The following TRIM4 variants were observed in gnomAD, a reference collection of about 807,000 sequenced individuals.
TRIM4 encodes the protein tripartite motif containing 4, also known as E3 ubiquitin-protein ligase TRIM4.
Under a neutral mutation model 33.7 loss-of-function variants are expected in TRIM4, and 29 were observed. The observed-to-expected ratio is 0.86, with a 90% CI of 0.64 to 1.17. TRIM4 has a LOEUF of 1.17. Among genes scored for constraint, TRIM4 ranks in the 50% most tolerant of loss-of-function variants. The pLI is 0.00. For synonymous variants in TRIM4, 224 were observed against 233.0 expected, an observed-to-expected ratio of 0.96 and a Z score of 0.35; for missense variants, 554 against 593.7, an observed-to-expected ratio of 0.93 and a Z score of 0.69.
chr7:99,896,777 CAGGTG>C (rs1206745343), intron 5 of TRIM4, among the ~76,000 whole-genome samples: 2 of 152,220 alleles, frequency 1.3e-5, no homozygotes, highest in African/African-American at 4.8e-5. Flanking sequence ...TGGGGCCCAC[CAGGTG>C]AGTATGGGGA....
intron 5 of TRIM4, among the ~76,000 whole-genome samples, chr7:99,897,393 T>C (rs558331694): frequency 1.1e-4 from 17 of 152,322 alleles, no homozygotes; most frequent in African/African-American, 4.1e-4. Flanking sequence ...CCACCCTCCC[T>C]GGGATTTTAC....
chr7:99,915,741 C>G (rs1819542780), intron 1 of TRIM4, among the ~76,000 whole-genome samples: 1 of 152,202 alleles, frequency 6.6e-6, no homozygotes, highest in African/African-American at 2.4e-5. Flanking sequence ...GACCTGGCTC[C>G]TGAACACCTA....
At chr7:99,909,017 C>T (rs1054597344) in intron 2 of TRIM4, among the ~76,000 whole-genome samples, 2 of 152,148 alleles carry the variant, frequency 1.3e-5, no homozygotes, top group Non-Finnish European at 2.9e-5. Flanking sequence ...ATTCATTCTT[C>T]CTAACATTTC....
Position 99,901,908 on chromosome 7 carries a change from G to A in TRIM4, c.841+1310C>T. The stretch of plus-strand genomic sequence containing the variant: ...TCTCTCCGCTCCAGGATACTGCCCA[G>A]TACTTTGCGAACTCTCACTACTTTG... On this transcript the variant is annotated intron_variant, in intron 5 of 5. Transcript: ENST00000349062. The A allele has an allele frequency of 1.2e-5, 7 of 591,378 alleles. No individual in the cohort carries two copies. In the South Asian group the frequency reaches 1.5e-4, roughly 13 times the overall value. 36.6% of individuals were successfully genotyped at this position (591,378 alleles called of 1,614,324 possible).
chr7:99,895,361 G>A (rs540788463), intron 5 of TRIM4, among the ~76,000 whole-genome samples: 1 of 152,052 alleles, frequency 6.6e-6, no homozygotes, highest in African/African-American at 2.4e-5. Context: ...ATTTAGGGGG[G>A]TTTCTAAGGA....
chr7:99,909,775 C>G (rs1451211886), intron 1 of TRIM4, 115 bp from the exon 2 acceptor site: 2 of 843,096 alleles, frequency 2.4e-6, no homozygotes, highest in Admixed American at 2.7e-5. Context: ...CTTTGTCACC[C>G]AGGTTAGACT....
chr7:99,896,359 C>T (rs547103691), intron 5 of TRIM4, among the ~76,000 whole-genome samples: 78 of 152,268 alleles, frequency 5.1e-4, no homozygotes, highest in South Asian at 6.2e-4. Context: ...GAACCTCTGG[C>T]CCATTCTTGG....
In TRIM4 at chr7:99,894,672, CAA is replaced by C. The variant is rs779056387; in HGVS notation, c.842-1928_842-1927del. On this transcript the variant is annotated intron_variant, in intron 5 of 5. Coordinates refer to ENST00000349062, the MANE Select transcript of TRIM4 (RefSeq NM_033091.3). Reference sequence around the variant, plus strand: ...ACAGACCAAGACTCCATCCCCCCCCCAAAAAAAAAAAGAAAAGAAAAGAAAGA... The same window carrying C: ...ACAGACCAAGACTCCATCCCCCCCCCAAAAAAAAAGAAAAGAAAAGAAAGA... 3.7e-4 allele frequency among the ~76,000 whole-genome samples: 47 copies of C among 125,750 alleles called. 2 individuals are homozygous for C. The South Asian group carries it at 7.9e-3, about 21-fold the overall frequency. 82.5% of individuals were successfully genotyped at this position (125,750 alleles called of 152,430 possible). A position where few individuals can be genotyped will look rare whatever the true frequency, so the allele number is the denominator to read the frequency against.
At chr7:99,910,400 T>G (rs1300990377) in intron 1 of TRIM4, among the ~76,000 whole-genome samples, 1 of 152,222 alleles carries the variant, frequency 6.6e-6, no homozygotes, top group Non-Finnish European at 1.5e-5. Context: ...TTATTCATTA[T>G]CCACTAATTA....
intron 3 of TRIM4, 123 bp downstream of exon 3, chr7:99,908,459 C>G (rs1819358987): frequency 9.0e-6 from 7 of 779,996 alleles, no homozygotes; most frequent in Non-Finnish European, 1.5e-5. Flanking sequence ...TGTGACAGCA[C>G]AGAACTAGCA....
intron 5 of TRIM4, chr7:99,901,487 CTTTT>C (rs940967543): frequency 6.6e-6 from 1 of 152,010 alleles, no homozygotes; most frequent in Non-Finnish European, 1.5e-5. Context: ...GTTAGGTGCT[CTTTT>C]TTTGTTTATT....
rs1818898772 is a variant in TRIM4, at chr7:99,891,873, T to C, written c.*290A>G. The stretch of plus-strand genomic sequence containing the variant: ...ACCATTCCTGTGTTCTCAGTTCCAA[T>C]ATGGCTGCTAACATCCATATGTCTT... On this transcript the variant is annotated 3_prime_UTR_variant, in exon 6 of 6. Transcript: ENST00000349062. 13 of 307,858 alleles carry C rather than the reference T, an allele frequency of 4.2e-5. No homozygotes were observed. The East Asian group carries it at 6.6e-4, about 16-fold the overall frequency. The allele number at this position is 307,858 out of a possible 1,614,324, so 19.1% of individuals were successfully genotyped here.
intron 5 of TRIM4, among the ~76,000 whole-genome samples, chr7:99,893,105 A>G (rs1007143965): frequency 1.3e-5 from 2 of 152,056 alleles, no homozygotes; most frequent in Non-Finnish European, 2.9e-5. Flanking sequence ...CAAAAAACAA[A>G]CAAACAAAAA....
At chr7:99,916,320 T>G (rs183267718) in intron 1 of TRIM4, among the ~76,000 whole-genome samples, 1 of 152,282 alleles carries the variant, frequency 6.6e-6, no homozygotes, top group East Asian at 1.9e-4. Flanking sequence ...GTGGTCCTCC[T>G]AGGAGAATCT....
chr7:99,916,673 T>C (rs1243770561), intron 1 of TRIM4: 1 of 780,076 alleles, frequency 1.3e-6, no homozygotes, highest in Non-Finnish European at 2.4e-6. Context: ...CCATCATCCC[T>C]GCCCTGAACT....
At chr7:99,900,437 T>C (rs1200556036) in intron 5 of TRIM4, among the ~76,000 whole-genome samples, 1 of 152,244 alleles carries the variant, frequency 6.6e-6, no homozygotes, top group East Asian at 1.9e-4. Context: ...CTGGGCACTC[T>C]GTGGCCCAGT....
chr7:99,901,339 G>A (rs1371718768), intron 5 of TRIM4: 3 of 152,156 alleles, frequency 2.0e-5, no homozygotes, highest in African/African-American at 7.2e-5. Flanking sequence ...ATGTTTTAAA[G>A]TCCTTCCATG....
intron 5 of TRIM4, 63 bp downstream of exon 5, chr7:99,903,155 C>T: frequency 7.9e-7 from 1 of 1,258,140 alleles, no homozygotes; most frequent in Non-Finnish European, 1.1e-6. Flanking sequence ...CTCCAGACTT[C>T]TCTCTTTATT....
chr7:99,917,573 G>T (rs750774318), intron 1 of TRIM4, among the ~76,000 whole-genome samples: 1 of 152,078 alleles, frequency 6.6e-6, no homozygotes, highest in Non-Finnish European at 1.5e-5. Flanking sequence ...TACAAAATTA[G>T]CTGGGCATGC....
Sources: allele counts gnomAD v4.1 joint callset (sites outside exome capture counted in the v4.1 genomes callset), GRCh38; gene constraint gnomAD v4.1.1; transcripts MANE v1.5; gene names NCBI Gene and HGNC (gene_info 2026-07-23, HGNC 2026-07-21).